Variants in FGD6 observed in about 807,000 individuals in gnomAD.
FGD6 encodes FYVE, RhoGEF and PH domain-containing protein 6.
A neutral mutation model predicts 149.4 loss-of-function variants in FGD6; 90 were observed. That is an observed-to-expected ratio of 0.60 (90% confidence interval 0.51 to 0.72). FGD6 has a LOEUF of 0.72. FGD6 is among the 30% of genes least tolerant of loss of function. The probability of loss-of-function intolerance (pLI) is 0.00; values close to 1 mark genes in which losing one functional copy is unlikely to be tolerated. For synonymous variants in FGD6, 527 were observed against 584.0 expected, an observed-to-expected ratio of 0.90 and a Z score of 1.41; for missense variants, 1,437 against 1,684.8, an observed-to-expected ratio of 0.85 and a Z score of 2.57.
chr12:95,138,267 G>A (rs1406269096), intron 6 of FGD6, among the ~76,000 whole-genome samples: 2 of 147,924 alleles, frequency 1.4e-5, no homozygotes, highest in Non-Finnish European at 3.0e-5. Flanking sequence ...TCCTTGGATG[G>A]GCACGATGGC....
chr12:95,211,990 G>C (rs2056730321), intron 1 of FGD6, among the ~76,000 whole-genome samples: 1 of 152,092 alleles, frequency 6.6e-6, no homozygotes, highest in Non-Finnish European at 1.5e-5. Flanking sequence ...AATGATCAAT[G>C]ATCTGTCTAC....
At chr12:95,140,359 A>T (rs1168044489) in intron 6 of FGD6, among the ~76,000 whole-genome samples, 1 of 152,178 alleles carries the variant, frequency 6.6e-6, no homozygotes, top group Admixed American at 6.6e-5. Context: ...TGTCATACAT[A>T]TATAAATTTG....
chr12:95,082,461 C>T (rs1438398373), intron 20 of FGD6, among the ~76,000 whole-genome samples: 1 of 151,758 alleles, frequency 6.6e-6, no homozygotes, highest in Non-Finnish European at 1.5e-5. Context: ...AGTTCGAGAC[C>T]AGCCTGGCCA....
chr12:95,150,962 G>C (rs1880293442), intron 5 of FGD6, among the ~76,000 whole-genome samples: 1 of 151,936 alleles, frequency 6.6e-6, no homozygotes, highest in East Asian at 1.9e-4. Flanking sequence ...CTGGCGTGGT[G>C]GATGGCTGTG....
chr12:95,093,179 C>T (rs906147333), intron 15 of FGD6, among the ~76,000 whole-genome samples: 2 of 151,652 alleles, frequency 1.3e-5, no homozygotes, highest in Admixed American at 1.3e-4. Context: ...TGAGATTGTC[C>T]CACTGCACTC....
chr12:95,101,309 T>C (rs1878423133), intron 14 of FGD6, among the ~76,000 whole-genome samples: 1 of 151,984 alleles, frequency 6.6e-6, no homozygotes, highest in South Asian at 2.1e-4. Flanking sequence ...ATCGCGTCAC[T>C]GCACTCCTGG....
Position 95,172,699 on chromosome 12 carries a change from G to T in FGD6, c.2487C>A (p.Asp829Glu), listed in dbSNP as rs756959651. ...QEEQNDLGLG[D>E]LPSDEEEIIN... is the part of the protein sequence containing the mutation. Reference sequence around the variant, plus strand: ...TGATTTCCTCCTCATCAGAGGGAAGGTCACCAAGACCAAGATCATTCTGTT... The same window carrying T: ...TGATTTCCTCCTCATCAGAGGGAAGTTCACCAAGACCAAGATCATTCTGTT... The change falls in exon 3 of 21, where the codon GAC becomes GAA. Residue 829 changes from aspartate to glutamate, a missense_variant. Asp to Glu is a conservative substitution (Grantham distance 45). Transcript: ENST00000343958. 22 of 1,612,710 alleles carry T rather than the reference G, an allele frequency of 1.4e-5. No individual in the cohort carries two copies. Among genetic ancestry groups the T allele is most frequent in the Non-Finnish European group, 1.8e-5 (21 of 1,179,332 alleles).
intron 20 of FGD6, among the ~76,000 whole-genome samples, chr12:95,082,543 G>A (rs1877711227): frequency 6.6e-6 from 1 of 151,050 alleles, no homozygotes; most frequent in African/African-American, 2.4e-5. Context: ...TGTAATCCCA[G>A]CTACTTGGGA....
chr12:95,186,124 T>C (rs1447989140), intron 2 of FGD6, among the ~76,000 whole-genome samples: 2 of 150,960 alleles, frequency 1.3e-5, no homozygotes, highest in Non-Finnish European at 2.9e-5. Flanking sequence ...ATGGATTCCA[T>C]CCTAATATCT....
intron 9 of FGD6, among the ~76,000 whole-genome samples, chr12:95,113,448 C>T (rs1262205271): frequency 2.0e-5 from 3 of 152,074 alleles, no homozygotes; most frequent in East Asian, 3.9e-4. Context: ...GTAGGCCAGG[C>T]TGGTCTCAAA....
At chr12:95,123,049 T>G (rs1350355031) in intron 8 of FGD6, among the ~76,000 whole-genome samples, 1 of 136,720 alleles carries the variant, frequency 7.3e-6, no homozygotes, top group Admixed American at 7.2e-5. Context: ...AGTGAGACTC[T>G]GTCAAAAAAA....
intron 3 of FGD6, among the ~76,000 whole-genome samples, chr12:95,153,438 G>A (rs932204634): frequency 5.3e-5 from 8 of 152,276 alleles, no homozygotes; most frequent in African/African-American, 1.9e-4. Flanking sequence ...GAGGCGGGTG[G>A]ATCACCTGAG....
chr12:95,155,629 T>C (rs1880446755), intron 3 of FGD6, among the ~76,000 whole-genome samples: 1 of 152,224 alleles, frequency 6.6e-6, no homozygotes, highest in African/African-American at 2.4e-5. Flanking sequence ...GCATTCATTC[T>C]TTTTATTATA....
chr12:95,101,203 C>T (rs1026940601), intron 14 of FGD6, among the ~76,000 whole-genome samples: 3 of 150,258 alleles, frequency 2.0e-5, no homozygotes, highest in Middle Eastern at 3.5e-3. Context: ...AAAAATTAGC[C>T]GGGCATGGCG....
intron 8 of FGD6, among the ~76,000 whole-genome samples, 158 bp from the exon 9 acceptor site, chr12:95,113,859 A>ATT (rs1388652045): frequency 6.6e-6 from 1 of 152,192 alleles, no homozygotes; most frequent in Non-Finnish European, 1.5e-5. Flanking sequence ...AAGCCCTGAG[A>ATT]TCAATTTGAA....
At chr12:95,178,090 C>T (rs1000940666) in intron 2 of FGD6, among the ~76,000 whole-genome samples, 1 of 152,010 alleles carries the variant, frequency 6.6e-6, no homozygotes, top group Non-Finnish European at 1.5e-5. Flanking sequence ...ATCCTTCTTA[C>T]TCTCCTTTTC....
chr12:95,141,311 T>G lies in FGD6; in HGVS notation c.2837+77A>C, dbSNP rs564351166. Reference sequence around the variant, plus strand: ...CAACTCAATGTAATGAAAATATATCTCTGTCACATGTGGGGCCCTTATGGC... The same window carrying G: ...CAACTCAATGTAATGAAAATATATCGCTGTCACATGTGGGGCCCTTATGGC... On this transcript the variant is annotated intron_variant, in intron 6 of 20. Coordinates refer to ENST00000343958, the MANE Select transcript of FGD6 (RefSeq NM_018351.4). 61 of 1,378,356 alleles carry G rather than the reference T, an allele frequency of 4.4e-5. 2 individuals are homozygous for G. In the South Asian group the frequency reaches 7.8e-4, roughly 18 times the overall value. The allele number at this position is 1,378,356 out of a possible 1,614,324, so 85.4% of individuals were successfully genotyped here.
At position 95,162,100 on chromosome 12, in the gene FGD6, CAAA is replaced by C. The variant is rs762218917; in HGVS notation, c.2587-9110_2587-9108del. Among the ~76,000 whole-genome samples the C allele has an allele frequency of 1.3e-4, 8 of 61,804 alleles. No homozygotes were observed. In the Admixed American group the frequency reaches 1.5e-3, roughly 12 times the overall value. 40.5% of individuals were successfully genotyped at this position (61,804 alleles called of 152,430 possible). ...ACAACATAGTGACACCTGAAAAATA[CAAA>C]AAAAAAAAAAAAAAAAGCCAGGCAT... On this transcript the variant is annotated intron_variant, in intron 3 of 20. Transcript: ENST00000343958.
chr12:95,112,016 T>C (rs769463897), intron 9 of FGD6, among the ~76,000 whole-genome samples: 1 of 152,034 alleles, frequency 6.6e-6, no homozygotes, highest in Non-Finnish European at 1.5e-5. Context: ...GGTGGATCGC[T>C]TGAGCTCAGG....
Sources: allele counts gnomAD v4.1 joint callset (sites outside exome capture counted in the v4.1 genomes callset), GRCh38; gene constraint gnomAD v4.1.1; transcripts MANE v1.5; gene names NCBI Gene and HGNC (gene_info 2026-07-23, HGNC 2026-07-21).